The following SPRED1 variants were observed in gnomAD, a reference collection of about 807,000 sequenced individuals.
SPRED1 encodes the protein sprouty related EVH1 domain containing 1.
Under a neutral mutation model 52.3 loss-of-function variants are expected in SPRED1, and 18 were observed. The ratio of observed to expected loss-of-function variants is 0.34; its 90% CI spans 0.24 to 0.51. The LOEUF is 0.51. Among genes scored for constraint, SPRED1 ranks in the 20% least tolerant of loss-of-function variants. The pLI, the probability that SPRED1 is intolerant of heterozygous loss-of-function variation, is 0.97. For missense variants in SPRED1, 485 were observed against 551.0 expected (o/e 0.88, Z 1.20); for synonymous variants, 155 against 179.7 (o/e 0.86, Z 1.10).
chr15:38,315,250 T>C (rs1327872935), intron 2 of SPRED1, among the ~76,000 whole-genome samples: 1 of 151,984 alleles, frequency 6.6e-6, no homozygotes, highest in African/African-American at 2.4e-5. Flanking sequence ...AAGTTACTAG[T>C]AAAAATTTTT....
At chr15:38,340,041 T>G in intron 5 of SPRED1, 146 bp downstream of exon 5, 3 of 1,079,210 alleles carry the variant, frequency 2.8e-6, no homozygotes, top group Non-Finnish European at 4.1e-6. Context: ...CCAGGAGAAT[T>G]TGATTTATAA....
intron 5 of SPRED1, among the ~76,000 whole-genome samples, chr15:38,348,758 G>T (rs1896193693): frequency 6.6e-6 from 1 of 151,950 alleles, no homozygotes; most frequent in Non-Finnish European, 1.5e-5. Context: ...CTCCTTTTAT[G>T]TATATTAGAA....
At chr15:38,347,184 T>C (rs1196626891) in intron 5 of SPRED1, among the ~76,000 whole-genome samples, 1 of 152,188 alleles carries the variant, frequency 6.6e-6, no homozygotes, top group Non-Finnish European at 1.5e-5. Flanking sequence ...TTGTCTTTAA[T>C]CCACTTTAAT....
At chr15:38,297,644 T>TA (rs1348194016) in intron 1 of SPRED1, among the ~76,000 whole-genome samples, 2 of 151,586 alleles carry the variant, frequency 1.3e-5, no homozygotes, top group Non-Finnish European at 2.9e-5. Flanking sequence ...TTGACCCCAA[T>TA]AATAGATAAT....
At position 38,355,390 on chromosome 15, in the gene SPRED1, A is replaced by G. The variant is rs543233753; in HGVS notation, c.*3726A>G. On this transcript the variant is annotated 3_prime_UTR_variant, in exon 7 of 7. Transcript: ENST00000299084. ...AGTAATGTAAATGCACTTTCAATTC[A>G]TGTGTATAGTGCCATCTGATATCTT... 2.6e-5 allele frequency: 4 copies of G among 152,314 alleles called. No individual in the cohort carries two copies. The East Asian group carries it at 5.8e-4, about 22-fold the overall frequency. The allele number at this position is 152,314 out of a possible 1,614,324, so 9.4% of individuals were successfully genotyped here.
chr15:38,278,027 T>G (rs1248942350), intron 1 of SPRED1, among the ~76,000 whole-genome samples: 5 of 152,196 alleles, frequency 3.3e-5, no homozygotes, highest in African/African-American at 1.2e-4. Context: ...AATATAGGAT[T>G]AATTATATCT....
At chr15:38,336,557 G>T (rs1044080617) in intron 4 of SPRED1, among the ~76,000 whole-genome samples, 1 of 149,526 alleles carries the variant, frequency 6.7e-6, no homozygotes, top group South Asian at 2.1e-4. Context: ...TCCCAATTTT[G>T]ATTATATATA....
chr15:38,331,431 G>A (rs770214602), intron 4 of SPRED1, among the ~76,000 whole-genome samples: 8 of 150,954 alleles, frequency 5.3e-5, no homozygotes, highest in Non-Finnish European at 1.0e-4. Flanking sequence ...CTTTTCAGGG[G>A]TTATAACCCA....
At chr15:38,316,290 C>T (rs1240691424) in intron 2 of SPRED1, among the ~76,000 whole-genome samples, 1 of 151,866 alleles carries the variant, frequency 6.6e-6, no homozygotes, top group Non-Finnish European at 1.5e-5. Context: ...CAGAGTTCAC[C>T]TGTTTATCTG....
intron 1 of SPRED1, among the ~76,000 whole-genome samples, chr15:38,276,134 A>G (rs1894547125): frequency 6.6e-6 from 1 of 151,694 alleles, no homozygotes; most frequent in Non-Finnish European, 1.5e-5. Context: ...TATGCTTGCT[A>G]TGTGTAAGGC....
At chr15:38,337,841 C>T (rs1895951017) in intron 4 of SPRED1, among the ~76,000 whole-genome samples, 1 of 151,650 alleles carries the variant, frequency 6.6e-6, no homozygotes, top group Admixed American at 6.6e-5. Context: ...GATACTACTC[C>T]TAAAACTTAT....
rs76527876 is a variant in SPRED1, at chr15:38,355,362, T to C, written c.*3698T>C. The C allele has an allele frequency of 6.6e-6, 1 of 152,346 alleles. No individual in the cohort carries two copies. Among genetic ancestry groups the C allele is most frequent in the East Asian group, 1.9e-4 (1 of 5,186 alleles). 9.4% of individuals were successfully genotyped at this position (152,346 alleles called of 1,614,324 possible). ...TTCAGCAGTGCCTAAAATGAGCTTTTGAAGTAATGTAAATGCACTTTCAAT... is the reference window on the plus strand; with the variant it reads ...TTCAGCAGTGCCTAAAATGAGCTTTCGAAGTAATGTAAATGCACTTTCAAT... On this transcript the variant is annotated 3_prime_UTR_variant, in exon 7 of 7. Coordinates refer to ENST00000299084, the MANE Select transcript of SPRED1 (RefSeq NM_152594.3).
At chr15:38,291,605 A>G (rs1894925359) in intron 1 of SPRED1, among the ~76,000 whole-genome samples, 1 of 152,230 alleles carries the variant, frequency 6.6e-6, no homozygotes, top group African/African-American at 2.4e-5. Context: ...CCCAAACTTC[A>G]ATTCTTGACT....
At chr15:38,308,639 C>T (rs1025976200) in intron 2 of SPRED1, among the ~76,000 whole-genome samples, 3 of 152,000 alleles carry the variant, frequency 2.0e-5, no homozygotes, top group African/African-American at 2.4e-5. Flanking sequence ...GATCATTCTC[C>T]GAGGGTTGAT....
intron 1 of SPRED1, among the ~76,000 whole-genome samples, chr15:38,278,592 A>G (rs868596615): frequency 2.0e-5 from 3 of 152,220 alleles, no homozygotes; most frequent in Non-Finnish European, 2.9e-5. Context: ...ATGACCCCTG[A>G]CCAAATACCA....
chr15:38,336,751 G>A (rs1895932067), intron 4 of SPRED1, among the ~76,000 whole-genome samples: 1 of 151,962 alleles, frequency 6.6e-6, no homozygotes, highest in African/African-American at 2.4e-5. Flanking sequence ...AGGTCACAAA[G>A]GCATAAGAAT....
rs151078068 is a variant in SPRED1 at position 38,356,360 on chromosome 15, C to A, written c.*4696C>A. 1.3e-5 allele frequency: 2 copies of A among 151,972 alleles called. No homozygotes were observed. Among genetic ancestry groups the A allele is most frequent in the African/African-American group, 4.8e-5 (2 of 41,366 alleles). 9.4% of individuals were successfully genotyped at this position (151,972 alleles called of 1,614,324 possible). ...GTAACCATTTCTGTTACTTCATACC[C>A]GTGTAATTGGACATAGCAGATGATT... On this transcript the variant is annotated 3_prime_UTR_variant, in exon 7 of 7. Transcript: ENST00000299084.
chr15:38,332,048 C>G (rs999746989), intron 4 of SPRED1, among the ~76,000 whole-genome samples: 1 of 151,972 alleles, frequency 6.6e-6, no homozygotes, highest in African/African-American at 2.4e-5. Context: ...AACTTGTATA[C>G]TGGTATGGGG....
chr15:38,324,102 T>A (rs1354097295), intron 3 of SPRED1, among the ~76,000 whole-genome samples: 1 of 152,194 alleles, frequency 6.6e-6, no homozygotes, highest in Non-Finnish European at 1.5e-5. Context: ...TATGCTGCTC[T>A]TTCCAAAGGG....
Sources: allele counts gnomAD v4.1 joint callset (sites outside exome capture counted in the v4.1 genomes callset), GRCh38; gene constraint gnomAD v4.1.1; transcripts MANE v1.5; gene names NCBI Gene and HGNC (gene_info 2026-07-23, HGNC 2026-07-21).